The following TRAF3 variants were observed in gnomAD, a reference collection of about 807,000 sequenced individuals.
TRAF3 encodes the protein TNF receptor associated factor 3.
TRAF3 carries 13 observed loss-of-function variants against 62.3 expected under a neutral mutation model. The ratio of observed to expected loss-of-function variants is 0.21; its 90% confidence interval spans 0.14 to 0.33. The LOEUF (loss-of-function observed/expected upper bound fraction) is 0.33, where lower values mean the gene tolerates loss of function less well. Among genes scored for constraint, TRAF3 ranks in the 10% least tolerant of loss-of-function variants. TRAF3 has a pLI of 1.00. For missense variants in TRAF3, 440 were observed against 741.8 expected (o/e 0.59, Z 4.73); for synonymous variants, 269 against 283.4 (o/e 0.95, Z 0.51).
At chr14:102,887,322 A>G (rs1889450393) in intron 7 of TRAF3, among the ~76,000 whole-genome samples, 1 of 152,188 alleles carries the variant, frequency 6.6e-6, no homozygotes, top group Non-Finnish European at 1.5e-5. Flanking sequence ...AACAGGGAGA[A>G]CCAGCCTCGC....
At chr14:102,898,853 A>G (rs941420943) in intron 10 of TRAF3, among the ~76,000 whole-genome samples, 25 of 152,236 alleles carry the variant, frequency 1.6e-4, no homozygotes, top group African/African-American at 5.8e-4. Flanking sequence ...GGATGAACCA[A>G]TGAAGCATAA....
chr14:102,832,190 G>A (rs1900731147), intron 2 of TRAF3, among the ~76,000 whole-genome samples: 1 of 152,172 alleles, frequency 6.6e-6, no homozygotes, highest in Middle Eastern at 3.2e-3. Context: ...TAGCAAATTA[G>A]CAAGTGTAAA....
At chr14:102,820,606 ATATATATATTTTTTTTTTTTTTTTT>A (rs1566755285) in intron 1 of TRAF3, among the ~76,000 whole-genome samples, 1 of 13,090 alleles carries the variant, frequency 7.6e-5, no homozygotes, top group Non-Finnish European at 1.0e-4. Flanking sequence ...ATATATATAT[ATATATATATTTTTTTTTTTTTTTTT>A]TTTTTTTTTT....
chr14:102,866,890 C>G (rs933169568), intron 2 of TRAF3, among the ~76,000 whole-genome samples: 1 of 140,182 alleles, frequency 7.1e-6, no homozygotes, highest in Admixed American at 7.2e-5. Flanking sequence ...CACACACACA[C>G]ACAAAACAAT....
intron 2 of TRAF3, among the ~76,000 whole-genome samples, chr14:102,833,357 T>C (rs973527415): frequency 1.3e-5 from 2 of 152,266 alleles, no homozygotes; most frequent in Non-Finnish European, 2.9e-5. Context: ...ACTAAGTTAC[T>C]GTTTTTCCAA....
intron 2 of TRAF3, among the ~76,000 whole-genome samples, chr14:102,849,940 G>A (rs561363919): frequency 3.3e-5 from 5 of 152,198 alleles, no homozygotes; most frequent in Non-Finnish European, 7.3e-5. Flanking sequence ...CATGTGTGTC[G>A]TGTTTTGTGC....
intron 4 of TRAF3, among the ~76,000 whole-genome samples, chr14:102,873,497 T>C (rs926119771): frequency 6.6e-6 from 1 of 152,240 alleles, no homozygotes; most frequent in Non-Finnish European, 1.5e-5. Context: ...TCATTATCCC[T>C]ATTTTTTAAT....
At chr14:102,900,831 G>A (rs1890258920) in intron 10 of TRAF3, among the ~76,000 whole-genome samples, 2 of 152,262 alleles carry the variant, frequency 1.3e-5, no homozygotes, top group African/African-American at 4.8e-5. Flanking sequence ...GATTTGGATT[G>A]TTGATGTGGA....
chr14:102,837,522 C>G (rs1337036833), intron 2 of TRAF3, among the ~76,000 whole-genome samples: 1 of 152,066 alleles, frequency 6.6e-6, no homozygotes, highest in Non-Finnish European at 1.5e-5. Flanking sequence ...TGAAGTCAGG[C>G]ACTAGCCTTA....
At chr14:102,902,376 G>A (rs1334875709) in intron 10 of TRAF3, among the ~76,000 whole-genome samples, 1 of 152,166 alleles carries the variant, frequency 6.6e-6, no homozygotes, top group Non-Finnish European at 1.5e-5. Context: ...TCTGAGGAGT[G>A]GGAGTCTTCT....
intron 9 of TRAF3, chr14:102,895,200 G>T (rs999618919): frequency 2.2e-6 from 1 of 447,234 alleles, no homozygotes; most frequent in East Asian, 7.0e-5. Context: ...ATTCGTGCAG[G>T]TTGATCACTT....
At chr14:102,811,200 G>A (rs754044909) in intron 1 of TRAF3, among the ~76,000 whole-genome samples, 1 of 152,054 alleles carries the variant, frequency 6.6e-6, no homozygotes, top group South Asian at 2.1e-4. Flanking sequence ...AGGGGATGCC[G>A]AATTGCTGCA....
At chr14:102,779,632 G>A (rs1264919449) in intron 1 of TRAF3, among the ~76,000 whole-genome samples, 2 of 152,180 alleles carry the variant, frequency 1.3e-5, no homozygotes, top group African/African-American at 4.8e-5. Flanking sequence ...GTCAGGATAC[G>A]TATGCTAATG....
intron 4 of TRAF3, 98 bp from the exon 5 acceptor site, chr14:102,875,526 T>G: frequency 3.1e-6 from 3 of 954,120 alleles, no homozygotes; most frequent in Non-Finnish European, 4.6e-6. Flanking sequence ...AGTTCCTCTC[T>G]TGTTTTTTTT....
chr14:102,793,861 T>C (rs1265592892), intron 1 of TRAF3, among the ~76,000 whole-genome samples: 1 of 152,238 alleles, frequency 6.6e-6, no homozygotes, highest in Non-Finnish European at 1.5e-5. Context: ...AATCTACTAC[T>C]ACATCTCATG....
At chr14:102,870,713 TG>T (rs1888292727) in intron 3 of TRAF3, among the ~76,000 whole-genome samples, 1 of 152,136 alleles carries the variant, frequency 6.6e-6, no homozygotes, top group Non-Finnish European at 1.5e-5. Flanking sequence ...TCATATGTGT[TG>T]CTGTATTTTA....
intron 1 of TRAF3, among the ~76,000 whole-genome samples, chr14:102,825,143 C>T (rs972278771): frequency 1.3e-5 from 2 of 152,206 alleles, no homozygotes; most frequent in African/African-American, 2.4e-5. Flanking sequence ...GTGAGGACAC[C>T]GGGCCGTGCC....
At position 102,826,953 on chromosome 14, in the gene TRAF3, T is replaced by C. The variant is rs567888654; in HGVS notation, c.-156-3381T>C. On this transcript the variant is annotated intron_variant, in intron 1 of 11. Transcript: ENST00000392745. This position sits in a 1 kb window ranked among gnomAD's most constrained non-coding sequence, Gnocchi z 4.6. The stretch of plus-strand genomic sequence containing the variant: ...AAATGGAGGCCTCAGGTCCCAGACA[T>C]AGGCTCTGTCAGTGGTGGTGGCGGT... Among the ~76,000 whole-genome samples the C allele has an allele frequency of 1.3e-5, 2 of 152,218 alleles. No individual in the cohort carries two copies. The highest frequency in any genetic ancestry group is 2.9e-5 in the Non-Finnish European group (2 of 67,998).
intron 1 of TRAF3, among the ~76,000 whole-genome samples, chr14:102,800,513 GC>G (rs1199880090): frequency 6.6e-6 from 1 of 152,128 alleles, no homozygotes; most frequent in African/African-American, 2.4e-5. Context: ...GATGGTGCAG[GC>G]CCCAGTTCCT....
Sources: allele counts gnomAD v4.1 joint callset (sites outside exome capture counted in the v4.1 genomes callset), GRCh38; gene constraint gnomAD v4.1.1; non-coding constraint Gnocchi (gnomAD v3.1); transcripts MANE v1.5; gene names NCBI Gene and HGNC (gene_info 2026-07-23, HGNC 2026-07-21).